The following ERC2 variants were observed in gnomAD, a reference collection of about 807,000 sequenced individuals.
ERC2 encodes the protein ERC protein 2.
A neutral mutation model predicts 114.8 loss-of-function variants in ERC2; 42 were observed. The ratio of observed to expected loss-of-function variants is 0.37; its 90% CI spans 0.29 to 0.47. The LOEUF (loss-of-function observed/expected upper bound fraction) is 0.47. Among genes scored for constraint, ERC2 ranks in the 20% least tolerant of loss-of-function variants. The pLI is 0.99. For synonymous variants in ERC2, 454 were observed against 425.5 expected (o/e 1.07, Z -0.82); for missense variants, 939 against 1,150.7 (o/e 0.82, Z 2.66).
intron 14 of ERC2, among the ~76,000 whole-genome samples, chr3:55,873,688 G>A (rs913056394): frequency 3.3e-5 from 5 of 152,130 alleles, no homozygotes; most frequent in African/African-American, 1.2e-4. Context: ...CCTCCACTGA[G>A]CAAACAGAAG....
intron 14 of ERC2, among the ~76,000 whole-genome samples, chr3:55,806,798 C>G (rs559364008): frequency 6.6e-6 from 1 of 152,278 alleles, no homozygotes; most frequent in Admixed American, 6.5e-5. Context: ...CCCAGCTCTA[C>G]CCCTAAGTAG....
chr3:56,211,143 AAAG>A (rs2150122383), intron 3 of ERC2, among the ~76,000 whole-genome samples: 1 of 152,324 alleles, frequency 6.6e-6, no homozygotes, highest in South Asian at 2.1e-4. Flanking sequence ...CCAAATTGGT[AAAG>A]AAGAAGTCAA....
At chr3:55,823,477 G>T (rs2060206835) in intron 14 of ERC2, among the ~76,000 whole-genome samples, 1 of 151,890 alleles carries the variant, frequency 6.6e-6, no homozygotes, top group Admixed American at 6.6e-5. Flanking sequence ...TCTCAGGGTG[G>T]GCATTTTACC....
chr3:56,251,557 A>G (rs1043894171), intron 3 of ERC2, among the ~76,000 whole-genome samples: 12 of 152,354 alleles, frequency 7.9e-5, no homozygotes, highest in Admixed American at 6.5e-4. Context: ...TGGGCAAATG[A>G]GGTGGCTGTA....
intron 17 of ERC2, among the ~76,000 whole-genome samples, chr3:55,621,020 A>T (rs1489496798): frequency 1.3e-5 from 2 of 152,200 alleles, no homozygotes; most frequent in Non-Finnish European, 2.9e-5. Context: ...TTTATCTTAT[A>T]GGGATATGAA....
intron 2 of ERC2, 65 bp from the exon 3 acceptor site, chr3:56,296,500 T>A (rs2055445661): frequency 1.4e-6 from 2 of 1,461,816 alleles, no homozygotes; most frequent in Non-Finnish European, 1.8e-6. Flanking sequence ...AAATGTCAAG[T>A]GCCGCTTGCT....
chr3:55,613,154 T>C (rs2058976453), intron 17 of ERC2: 1 of 152,238 alleles, frequency 6.6e-6, no homozygotes, highest in Non-Finnish European at 1.5e-5. Flanking sequence ...AGTTCTAAGA[T>C]GGTCAGAACC....
intron 17 of ERC2, among the ~76,000 whole-genome samples, chr3:55,629,460 C>T (rs1396483770): frequency 6.6e-6 from 1 of 152,190 alleles, no homozygotes; most frequent in African/African-American, 2.4e-5. Context: ...TTCCAGTTTT[C>T]CTGGTGATTT....
intron 5 of ERC2, among the ~76,000 whole-genome samples, chr3:56,145,979 C>T (rs933697805): frequency 1.6e-4 from 25 of 152,058 alleles, no homozygotes; most frequent in African/African-American, 5.6e-4. Flanking sequence ...AATGAGGAAT[C>T]ACACTCATCA....
intron 3 of ERC2, among the ~76,000 whole-genome samples, chr3:56,273,714 C>T (rs1183806948): frequency 1.2e-4 from 18 of 152,124 alleles, no homozygotes; most frequent in Non-Finnish European, 4.4e-5. Flanking sequence ...AGCAGGGCTG[C>T]CACTAGCCCA....
At position 56,101,114 on chromosome 3, in the gene ERC2, T is replaced by C. The variant is rs183263837; in HGVS notation, c.1474-20130A>G. Among the ~76,000 whole-genome samples the C allele has an allele frequency of 5.3e-5, 8 of 152,346 alleles. No individual in the cohort carries two copies. The East Asian group carries it at 7.7e-4, about 15-fold the overall frequency. On this transcript the variant is annotated intron_variant, in intron 6 of 17. Coordinates refer to ENST00000288221, the MANE Select transcript of ERC2 (RefSeq NM_015576.3). Reference sequence around the variant, plus strand: ...ATTGTGAAAATAAAGATCCATTTCATTGGATAGAGTGATGTCTTCTCTGAA... The same window carrying C: ...ATTGTGAAAATAAAGATCCATTTCACTGGATAGAGTGATGTCTTCTCTGAA...
At chr3:56,422,173 GAAGA>G (rs754271449) in intron 2 of ERC2, among the ~76,000 whole-genome samples, 7 of 152,274 alleles carry the variant, frequency 4.6e-5, no homozygotes, top group Admixed American at 1.3e-4. Context: ...TGAAATTCCT[GAAGA>G]TAGAGGCAAG....
chr3:56,169,538 G>T (rs1457516083), intron 4 of ERC2, among the ~76,000 whole-genome samples: 1 of 152,136 alleles, frequency 6.6e-6, no homozygotes, highest in Non-Finnish European at 1.5e-5. Context: ...GCAGGGAGAG[G>T]TTGCCTGAAA....
Position 55,736,339 on chromosome 3 carries a change from C to A in ERC2, c.2565-1421G>T, listed in dbSNP as rs140478086. Among the ~76,000 whole-genome samples, 453 of 152,238 alleles carry A rather than the reference C, an allele frequency of 3.0e-3. 4 individuals are homozygous for A. Among genetic ancestry groups the A allele is most frequent in the South Asian group, 0.027 (130 of 4,820 alleles). On this transcript the variant is annotated intron_variant, in intron 14 of 17. Coordinates refer to ENST00000288221, the MANE Select transcript of ERC2 (RefSeq NM_015576.3). Reference sequence around the variant, plus strand: ...GGCTCCAGCACATTTCGTTCCAGGTCTCTGCTAGTCCTCAAAAATGTTACC... The same window carrying A: ...GGCTCCAGCACATTTCGTTCCAGGTATCTGCTAGTCCTCAAAAATGTTACC...
chr3:56,281,460 A>AAAT (rs1395973680), intron 3 of ERC2, among the ~76,000 whole-genome samples: 1 of 149,010 alleles, frequency 6.7e-6, no homozygotes, highest in African/African-American at 2.5e-5. Context: ...AAAAAAAAAA[A>AAAT]GTATAGAGGA....
chr3:56,196,850 T>G (rs2048138563), intron 3 of ERC2, among the ~76,000 whole-genome samples: 1 of 152,156 alleles, frequency 6.6e-6, no homozygotes, highest in South Asian at 2.1e-4. Flanking sequence ...GCTTTGTCCT[T>G]TCCAAAACAG....
intron 17 of ERC2, among the ~76,000 whole-genome samples, chr3:55,636,119 G>A (rs907588404): frequency 2.7e-5 from 4 of 150,270 alleles, no homozygotes; most frequent in Non-Finnish European, 5.9e-5. Context: ...CAGGTGATCC[G>A]CCCACCTCGG....
chr3:55,653,799 A>G (rs1294260856), intron 17 of ERC2, among the ~76,000 whole-genome samples: 2 of 152,218 alleles, frequency 1.3e-5, no homozygotes, highest in Non-Finnish European at 2.9e-5. Flanking sequence ...AGGCAGTCCA[A>G]GTCACTATTG....
At chr3:56,321,858 T>C (rs1257599851) in intron 2 of ERC2, among the ~76,000 whole-genome samples, 1 of 152,144 alleles carries the variant, frequency 6.6e-6, no homozygotes, top group Non-Finnish European at 1.5e-5. Context: ...TAAATGCAAA[T>C]ATAACAACAG....
Sources: gnomAD v4.1 joint callset for allele counts (sites outside exome capture counted in the v4.1 genomes callset) on GRCh38, gnomAD v4.1.1 for gene constraint, MANE v1.5 for transcripts, NCBI Gene and HGNC (gene_info 2026-07-23, HGNC 2026-07-21) for gene names.